STK32B: variants seen among roughly 807,000 people sequenced by gnomAD.
STK32B encodes serine/threonine-protein kinase 32B.
A neutral mutation model predicts 52.6 loss-of-function variants in STK32B; 43 were observed. That is an observed-to-expected ratio of 0.82 (90% confidence interval 0.64 to 1.05). The LOEUF (loss-of-function observed/expected upper bound fraction) is 1.05, where lower values mean the gene tolerates loss of function less well. STK32B is among the 50% of genes least tolerant of loss of function. The pLI is 0.00. For missense variants in STK32B, 621 were observed against 534.6 expected, an observed-to-expected ratio of 1.16 and a Z score of -1.59; for synonymous variants, 238 against 204.3, an observed-to-expected ratio of 1.17 and a Z score of -1.41.
intron 3 of STK32B, among the ~76,000 whole-genome samples, chr4:5,202,713 T>TACC (rs956263853): frequency 1.3e-5 from 2 of 152,206 alleles, no homozygotes; most frequent in African/African-American, 4.8e-5. Flanking sequence ...ACATATAAGC[T>TACC]ACCAAAGCTT....
Position 5,398,737 on chromosome 4 carries a change from G to T in STK32B, c.472+493G>T, listed in dbSNP as rs539400472. ...ATTTACTCATCTATCGGCTATGTCA[G>T]GCTTCTCAAAATTTCCTTTATGTGC... On this transcript the variant is annotated intron_variant, in intron 5 of 11. Transcript: ENST00000282908. The surrounding 1 kb of genome is among the most constrained non-coding windows in gnomAD (Gnocchi z 4.9). 3.3e-5 allele frequency among the ~76,000 whole-genome samples: 5 copies of T among 152,288 alleles called. No homozygotes were observed. The East Asian group carries it at 9.7e-4, about 29-fold the overall frequency.
chr4:5,482,493 G>T (rs935108095), intron 11 of STK32B, among the ~76,000 whole-genome samples: 5 of 151,994 alleles, frequency 3.3e-5, no homozygotes, highest in African/African-American at 1.2e-4. Flanking sequence ...GGGCTGAGAT[G>T]ATGAGGTTTT....
At chr4:5,232,653 G>C (rs1031246052) in intron 3 of STK32B, among the ~76,000 whole-genome samples, 1 of 152,192 alleles carries the variant, frequency 6.6e-6, no homozygotes, top group Non-Finnish European at 1.5e-5. Context: ...GCCAATGGTC[G>C]GTAAGTTGGG....
At chr4:5,454,230 G>C (rs1013429419) in intron 7 of STK32B, among the ~76,000 whole-genome samples, 1 of 152,146 alleles carries the variant, frequency 6.6e-6, no homozygotes, top group African/African-American at 2.4e-5. Flanking sequence ...GCTCTGTAGG[G>C]CTGCTGTTCA....
At chr4:5,295,374 T>C (rs1421523780) in intron 3 of STK32B, among the ~76,000 whole-genome samples, 2 of 151,832 alleles carry the variant, frequency 1.3e-5, no homozygotes, top group African/African-American at 4.8e-5. Context: ...ATACCTCTGG[T>C]ATAATTTGGC....
At chr4:5,269,033 G>T (rs946349214) in intron 3 of STK32B, among the ~76,000 whole-genome samples, 1 of 152,008 alleles carries the variant, frequency 6.6e-6, no homozygotes, top group African/African-American at 2.4e-5. Flanking sequence ...AGAGCCCAGG[G>T]GTCTCTCTGA....
At chr4:5,317,214 CATATATATATTATATATAACAT>C (rs1470487800) in intron 3 of STK32B, among the ~76,000 whole-genome samples, 3 of 40,652 alleles carry the variant, frequency 7.4e-5, no homozygotes, top group Non-Finnish European at 1.1e-4. Flanking sequence ...ATATATATAA[CATATATATATTATATATAACAT>C]ATATATATTA....
chr4:5,361,352 A>G (rs1333638450), intron 4 of STK32B, among the ~76,000 whole-genome samples: 1 of 152,158 alleles, frequency 6.6e-6, no homozygotes, highest in Non-Finnish European at 1.5e-5. Flanking sequence ...GAATTGCTGG[A>G]TCATATAGTA....
In STK32B at chr4:5,135,484, C is replaced by T. The variant is rs990381586; in HGVS notation, c.53-4421C>T. 3.9e-5 allele frequency among the ~76,000 whole-genome samples: 6 copies of T among 152,320 alleles called. 1 individual carries two copies. The highest frequency in any genetic ancestry group is 7.3e-5 in the Non-Finnish European group (5 of 68,032). On this transcript the variant is annotated intron_variant, in intron 1 of 11. Transcript: ENST00000282908. ...ATAGTTAGCATTTACTAAGCCGCTG[C>T]TATGTGCCTGGCTTTGAGTATCAGA...
intron 3 of STK32B, among the ~76,000 whole-genome samples, chr4:5,314,040 A>C (rs1026989303): frequency 6.6e-6 from 1 of 152,192 alleles, no homozygotes; most frequent in Non-Finnish European, 1.5e-5. Context: ...AAAGTCCAAG[A>C]AAAGTTTTTT....
At position 5,105,680 on chromosome 4, in the gene STK32B, C is replaced by G. The variant is rs557901582; in HGVS notation, c.53-34225C>G. ...CCGGGTTCACGCCATTCTCCTGCCT[C>G]AGCCTCCCGAGCAGCTGGGACCACA... On this transcript the variant is annotated intron_variant, in intron 1 of 11. Transcript: ENST00000282908. Among the ~76,000 whole-genome samples the G allele has an allele frequency of 5.9e-5, 9 of 152,140 alleles. No homozygotes were observed. In the South Asian group the frequency reaches 1.7e-3, roughly 28 times the overall value.
chr4:5,415,374 C>T (rs185684991), intron 5 of STK32B, among the ~76,000 whole-genome samples: 1 of 152,302 alleles, frequency 6.6e-6, no homozygotes, highest in Non-Finnish European at 1.5e-5. Context: ...TATACAGCTA[C>T]TCCCAACAAA....
chr4:5,280,804 C>T (rs542342605), intron 3 of STK32B, among the ~76,000 whole-genome samples: 11 of 152,192 alleles, frequency 7.2e-5, no homozygotes, highest in African/African-American at 2.7e-4. Flanking sequence ...GAGACTGAGG[C>T]AGGAGAATCA....
At chr4:5,105,814 C>T (rs1243842434) in intron 1 of STK32B, among the ~76,000 whole-genome samples, 8 of 151,918 alleles carry the variant, frequency 5.3e-5, no homozygotes, top group South Asian at 2.1e-4. Flanking sequence ...CCACCCGCCT[C>T]GGCCACCCAA....
At chr4:5,452,943 G>A (rs891806071) in intron 7 of STK32B, among the ~76,000 whole-genome samples, 6 of 152,042 alleles carry the variant, frequency 3.9e-5, no homozygotes, top group Admixed American at 1.3e-4. Flanking sequence ...TAAGGCCAGC[G>A]AGTGAGAGAA....
chr4:5,225,462 A>G (rs917490220), intron 3 of STK32B, among the ~76,000 whole-genome samples: 3 of 152,154 alleles, frequency 2.0e-5, no homozygotes, highest in African/African-American at 7.2e-5. Context: ...ATTTTGAGAA[A>G]TTATTTATTT....
intron 1 of STK32B, among the ~76,000 whole-genome samples, chr4:5,077,712 A>G (rs1712166677): frequency 6.6e-6 from 1 of 152,114 alleles, no homozygotes; most frequent in Non-Finnish European, 1.5e-5. Context: ...ATCCATAGCA[A>G]AGAGGCTGCG....
intron 4 of STK32B, among the ~76,000 whole-genome samples, chr4:5,354,665 A>G (rs1398658508): frequency 2.0e-5 from 3 of 152,204 alleles, no homozygotes; most frequent in Non-Finnish European, 4.4e-5. Context: ...TTGAACTTAA[A>G]TTGTTCCCTT....
intron 3 of STK32B, among the ~76,000 whole-genome samples, chr4:5,236,806 G>A (rs947393034): frequency 1.6e-4 from 24 of 152,178 alleles, no homozygotes; most frequent in African/African-American, 5.8e-4. Context: ...GTTATTTCCA[G>A]TTGGGGGCTA....
Sources: allele counts gnomAD v4.1 joint callset (sites outside exome capture counted in the v4.1 genomes callset), GRCh38; gene constraint gnomAD v4.1.1; non-coding constraint Gnocchi (gnomAD v3.1); transcripts MANE v1.5; gene names NCBI Gene and HGNC (gene_info 2026-07-23, HGNC 2026-07-21).